Variants in GLRA2 observed in about 807,000 individuals in gnomAD.
GLRA2 encodes glycine receptor subunit alpha-2.
A neutral mutation model predicts 31.6 loss-of-function variants in GLRA2; 11 were observed. The observed-to-expected ratio is 0.35, with a 90% CI of 0.22 to 0.58. GLRA2 has a LOEUF of 0.58. Among genes scored for constraint, GLRA2 ranks in the 20% least tolerant of loss-of-function variants. The pLI is 0.84. For synonymous variants in GLRA2, 132 were observed against 134.0 expected (o/e 0.99, Z 0.10); for missense variants, 212 against 351.8 (o/e 0.60, Z 3.18).
chrX:14,670,076 T>C (rs2091075300), intron 7 of GLRA2, among the ~76,000 whole-genome samples: 1 of 111,916 alleles, frequency 8.9e-6, no homozygotes, highest in Non-Finnish European at 1.9e-5. Flanking sequence ...ATCATCTCTC[T>C]CAAGTTCAAA....
chrX:14,724,663 A>G (rs1410217346), intron 8 of GLRA2, among the ~76,000 whole-genome samples: 2 of 106,365 alleles, frequency 1.9e-5, no homozygotes, highest in Admixed American at 2.0e-4. Flanking sequence ...CAAGAAGAAG[A>G]ATGGCAGTTG....
intron 2 of GLRA2, among the ~76,000 whole-genome samples, chrX:14,565,569 A>G (rs186504365): frequency 6.1e-4 from 68 of 111,467 alleles, no homozygotes; most frequent in African/African-American, 2.2e-3. Context: ...TGAGTTGACC[A>G]TTTTATCAAT....
At chrX:14,468,771 A>T in the GLRA2 span, among the ~76,000 whole-genome samples, 1 of 111,175 alleles carries the variant, frequency 9.0e-6, no homozygotes, top group Non-Finnish European at 1.9e-5. Flanking sequence ...ACTAGTTCAC[A>T]GTCCCACCAA....
chrX:14,567,941 G>GA (rs1244612641), intron 2 of GLRA2, among the ~76,000 whole-genome samples: 34 of 112,208 alleles, frequency 3.0e-4, no homozygotes, highest in African/African-American at 9.1e-4. Context: ...TTTGTACACT[G>GA]AAAACTACAA....
the GLRA2 span, among the ~76,000 whole-genome samples, chrX:14,472,532 T>C: frequency 9.0e-6 from 1 of 111,109 alleles, no homozygotes; most frequent in Non-Finnish European, 1.9e-5. Flanking sequence ...ACCTCCTTCC[T>C]GAACCTCTTT....
chrX:14,464,846 C>T, the GLRA2 span, among the ~76,000 whole-genome samples: 34 of 112,152 alleles, frequency 3.0e-4, no homozygotes, highest in Admixed American at 7.6e-4. Context: ...TGAGCCACCG[C>T]GCCCAGCCTA....
At chrX:14,702,863 T>C (rs2091564623) in intron 8 of GLRA2, among the ~76,000 whole-genome samples, 1 of 111,357 alleles carries the variant, frequency 9.0e-6, no homozygotes, top group African/African-American at 3.3e-5. Context: ...CATGAAATGA[T>C]CCAGAGGCTT....
intron 8 of GLRA2, among the ~76,000 whole-genome samples, chrX:14,723,246 G>A (rs1227725918): frequency 8.9e-6 from 1 of 111,932 alleles, no homozygotes; most frequent in Admixed American, 9.5e-5. Flanking sequence ...CTTTCTCATT[G>A]AATGGCATTA....
intron 7 of GLRA2, among the ~76,000 whole-genome samples, chrX:14,646,520 A>C (rs145314451): frequency 9.3e-4 from 105 of 112,348 alleles, no homozygotes; most frequent in African/African-American, 3.3e-3. Context: ...GCAGAACTAG[A>C]ATTTGAATTC....
At chrX:14,707,811 C>G (rs1241783183) in intron 8 of GLRA2, among the ~76,000 whole-genome samples, 1 of 109,851 alleles carries the variant, frequency 9.1e-6, no homozygotes, top group Non-Finnish European at 1.9e-5. Context: ...AGATGACAGT[C>G]TTTATTTTTT....
chrX:14,608,660 C>T (rs1414550455), intron 6 of GLRA2, among the ~76,000 whole-genome samples: 1 of 110,483 alleles, frequency 9.1e-6, no homozygotes, highest in East Asian at 2.8e-4. Flanking sequence ...TATTTTCTGT[C>T]AGTCTTGTAA....
the GLRA2 span, among the ~76,000 whole-genome samples, chrX:14,513,567 TA>T: frequency 1.7e-4 from 19 of 110,475 alleles, no homozygotes; most frequent in African/African-American, 3.3e-4. Flanking sequence ...CAAATTAGCA[TA>T]AAAAAACCGA....
At chrX:14,541,034 ATAAT>A (rs774781027) in intron 2 of GLRA2, among the ~76,000 whole-genome samples, 2 of 111,306 alleles carry the variant, frequency 1.8e-5, no homozygotes, top group Non-Finnish European at 3.8e-5. Context: ...GCTTACGAAA[ATAAT>A]TAATACAGTT....
At chrX:14,647,457 A>G (rs1421881766) in intron 7 of GLRA2, among the ~76,000 whole-genome samples, 1 of 111,410 alleles carries the variant, frequency 9.0e-6, no homozygotes, top group Admixed American at 9.6e-5. Flanking sequence ...GCAGTACCAG[A>G]GTCGGAATCC....
At chrX:14,707,773 T>C (rs1024768444) in intron 8 of GLRA2, among the ~76,000 whole-genome samples, 1 of 110,145 alleles carries the variant, frequency 9.1e-6, no homozygotes, top group African/African-American at 3.3e-5. Context: ...TGTGTGTGTG[T>C]GCACGCGCGC....
intron 8 of GLRA2, among the ~76,000 whole-genome samples, chrX:14,709,047 A>T (rs1397367658): frequency 9.0e-6 from 1 of 111,501 alleles, no homozygotes; most frequent in Non-Finnish European, 1.9e-5. Flanking sequence ...TTTGCCTCTG[A>T]TTATAACTAT....
chrX:14,677,857 T>G (rs933348440), intron 7 of GLRA2, among the ~76,000 whole-genome samples: 1 of 111,361 alleles, frequency 9.0e-6, no homozygotes, highest in Admixed American at 9.6e-5. Context: ...TGGATATAGT[T>G]ACCTCGGTTT....
chrX:14,681,081 T>C (rs1162752383), intron 7 of GLRA2, among the ~76,000 whole-genome samples: 1 of 112,323 alleles, frequency 8.9e-6, no homozygotes, highest in African/African-American at 3.2e-5. Context: ...ATACTTTAAG[T>C]TCTAGGTTAA....
At position 14,587,255 on chromosome X, in the gene GLRA2, T is replaced by C. The variant is rs989847341; in HGVS notation, c.494+5849T>C. ...ATTGTGGATAGTGCTGTGATGAACA[T>C]ACAATTTCATGTGTCTTTTGTAGAA... On this transcript the variant is annotated intron_variant, in intron 4 of 8. Transcript: ENST00000218075. Among the ~76,000 whole-genome samples, 32 of 112,509 alleles carry C rather than the reference T, an allele frequency of 2.8e-4. No individual in the cohort carries two copies. The Admixed American group carries it at 3.0e-3, about 11-fold the overall frequency.
Sources: gnomAD v4.1 joint callset for allele counts (sites outside exome capture counted in the v4.1 genomes callset) on GRCh38, gnomAD v4.1.1 for gene constraint, MANE v1.5 for transcripts, NCBI Gene and HGNC (gene_info 2026-07-23, HGNC 2026-07-21) for gene names.